CAPN9: variants seen among roughly 807,000 people sequenced by gnomAD.
CAPN9 encodes the protein calpain-9.
A neutral mutation model predicts 92.8 loss-of-function variants in CAPN9; 81 were observed. That is an observed-to-expected ratio of 0.87 (90% confidence interval 0.73 to 1.05). The LOEUF (loss-of-function observed/expected upper bound fraction) is 1.05. Ranked by LOEUF, CAPN9 falls within the 50% of genes least tolerant of loss-of-function variation. CAPN9 has a pLI of 0.00. For synonymous variants in CAPN9, 304 were observed against 328.0 expected (o/e 0.93, Z 0.79); for missense variants, 848 against 866.2 (o/e 0.98, Z 0.26).
intron 2 of CAPN9, among the ~76,000 whole-genome samples, chr1:230,756,244 A>G (rs1665220423): frequency 6.6e-6 from 1 of 152,136 alleles, no homozygotes; most frequent in African/African-American, 2.4e-5. Context: ...TATCCTAAAC[A>G]CAAGATCCAA....
At chr1:230,763,527 G>A (rs576228042) in intron 4 of CAPN9, among the ~76,000 whole-genome samples, 1 of 152,296 alleles carries the variant, frequency 6.6e-6, no homozygotes, top group African/African-American at 2.4e-5. Context: ...AATGGCCTCA[G>A]TTTCCTCAGG....
Position 230,747,408 on chromosome 1 carries a change from T to C in CAPN9, c.-89T>C. On this transcript the variant is annotated 5_prime_UTR_variant, in exon 1 of 20. Coordinates refer to ENST00000271971, the MANE Select transcript of CAPN9 (RefSeq NM_006615.3). ...CACTCAGCCCAGTGGCCCTCTGAGC[T>C]GTTCCTTCTTGACCGGCACACACAG... 8.6e-7 allele frequency: 1 copy of C among 1,163,122 alleles called. No homozygotes were observed. The highest frequency in any genetic ancestry group is 1.3e-6 in the Non-Finnish European group (1 of 774,102). The allele number at this position is 1,163,122 out of a possible 1,614,324, so 72.1% of individuals were successfully genotyped here. A position where few individuals can be genotyped will look rare whatever the true frequency, so the allele number is the denominator to read the frequency against.
At chr1:230,774,273 G>T (rs1169247978) in intron 7 of CAPN9, among the ~76,000 whole-genome samples, 2 of 152,208 alleles carry the variant, frequency 1.3e-5, no homozygotes, top group Non-Finnish European at 2.9e-5. Context: ...GCAATGCCTT[G>T]TGACTATCCC....
Position 230,785,978 on chromosome 1 carries a change from C to T in CAPN9, c.1482-3C>T. On this transcript the variant is annotated splice_region_variant and splice_polypyrimidine_tract_variant and intron_variant, in intron 11 of 19. Coordinates refer to ENST00000271971, the MANE Select transcript of CAPN9 (RefSeq NM_006615.3). ...GAGGCAGTGTGTTTTTCTGCCCCTACAGGGATATGGATGGAAATGTAGACA... is the reference window on the plus strand; with the variant it reads ...GAGGCAGTGTGTTTTTCTGCCCCTATAGGGATATGGATGGAAATGTAGACA... 1 of 1,613,734 alleles carries T rather than the reference C, an allele frequency of 6.2e-7. No homozygotes were observed. Among genetic ancestry groups the T allele is most frequent in the Non-Finnish European group, 8.5e-7 (1 of 1,179,668 alleles).
intron 11 of CAPN9, among the ~76,000 whole-genome samples, chr1:230,783,482 G>A (rs1667369328): frequency 6.6e-6 from 1 of 152,174 alleles, no homozygotes. Context: ...CTTGTGAGAT[G>A]TGGTTAATAG....
intron 8 of CAPN9, 133 bp downstream of exon 8, chr1:230,774,764 G>A (rs554289668): frequency 4.6e-5 from 28 of 614,178 alleles, no homozygotes; most frequent in Middle Eastern, 4.3e-4. Flanking sequence ...TTTTTGAGAC[G>A]GAGTTTTGTT....
rs1312225272 is a variant in CAPN9 at position 230,751,596 on chromosome 1, AGAAAGAAAGAAAG to A, written c.214-3740_214-3728del. Among the ~76,000 whole-genome samples the A allele has an allele frequency of 1.3e-4, 2 of 15,740 alleles. 1 individual carries two copies. The highest frequency in any genetic ancestry group is 4.4e-3 in the East Asian group (2 of 458). The allele number at this position is 15,740 out of a possible 152,430, so 10.3% of individuals were successfully genotyped here. ...AAAGAAGAAAGAAACAAAGAAAGAA[AGAAAGAAAGAAAG>A]AGAAAGAAAGAAAGAAAGAAAGAAA... is the stretch of plus-strand genomic sequence containing the variant. On this transcript the variant is annotated intron_variant, in intron 1 of 19. Coordinates refer to ENST00000271971, the MANE Select transcript of CAPN9 (RefSeq NM_006615.3).
chr1:230,792,150 A>C (rs913761130), intron 15 of CAPN9, among the ~76,000 whole-genome samples: 4 of 152,292 alleles, frequency 2.6e-5, no homozygotes, highest in South Asian at 4.1e-4. Flanking sequence ...GGAGCTTTTG[A>C]AGGGACTTGG....
intron 7 of CAPN9, 64 bp downstream of exon 7, chr1:230,772,163 T>A: frequency 7.2e-7 from 1 of 1,379,512 alleles, no homozygotes. Context: ...AGCTGGCTTG[T>A]GCAGACATGT....
intron 17 of CAPN9, among the ~76,000 whole-genome samples, chr1:230,793,810 C>T (rs1032547812): frequency 4.6e-5 from 7 of 152,088 alleles, no homozygotes; most frequent in Non-Finnish European, 8.8e-5. Context: ...TGAGAAGGGG[C>T]GCCTGATTTT....
At chr1:230,770,974 G>T (rs760352660) in intron 6 of CAPN9, among the ~76,000 whole-genome samples, 37 of 152,138 alleles carry the variant, frequency 2.4e-4, no homozygotes, top group Non-Finnish European at 4.4e-4. Flanking sequence ...ATTTGTGTTG[G>T]CTCCTTTGTC....
At chr1:230,764,893 A>G (rs771217770) in intron 4 of CAPN9, among the ~76,000 whole-genome samples, 5 of 152,196 alleles carry the variant, frequency 3.3e-5, no homozygotes, top group Admixed American at 6.5e-5. Context: ...GTAGAGATAC[A>G]TGGATCTGTA....
At chr1:230,761,162 G>A (rs1174554213) in intron 3 of CAPN9, among the ~76,000 whole-genome samples, 1 of 152,116 alleles carries the variant, frequency 6.6e-6, no homozygotes, top group Non-Finnish European at 1.5e-5. Flanking sequence ...CCCTGTTGAT[G>A]CCTGTCAGTC....
At chr1:230,767,766 C>A in intron 5 of CAPN9, 57 bp downstream of exon 5, 1 of 1,501,446 alleles carries the variant, frequency 6.7e-7, no homozygotes, top group Non-Finnish European at 9.1e-7. Context: ...ATAGTGCATT[C>A]CAGGCACTAT....
chr1:230,787,627 C>G (rs781535929), intron 13 of CAPN9, 25 bp downstream of exon 13: 2 of 1,601,634 alleles, frequency 1.2e-6, no homozygotes, highest in Non-Finnish European at 1.7e-6. Flanking sequence ...ACTTCCATCT[C>G]CCCACCAGGC....
intron 18 of CAPN9, among the ~76,000 whole-genome samples, chr1:230,796,301 G>A (rs1572098282): frequency 6.6e-6 from 1 of 150,782 alleles, no homozygotes; most frequent in Non-Finnish European, 1.5e-5. Context: ...TCCAGCCTGG[G>A]CAACAGTGGG....
chr1:230,772,159 C>T, intron 7 of CAPN9, 60 bp downstream of exon 7: 1 of 1,401,886 alleles, frequency 7.1e-7, no homozygotes, highest in East Asian at 2.3e-5. Flanking sequence ...CCAGAGCTGG[C>T]TTGTGCAGAC....
At chr1:230,765,665 A>AAAAAC (rs1263454107) in intron 4 of CAPN9, among the ~76,000 whole-genome samples, 1 of 152,216 alleles carries the variant, frequency 6.6e-6, no homozygotes, top group Non-Finnish European at 1.5e-5. Context: ...TCTCAAAAAC[A>AAAAAC]AAAACAAAAC....
At chr1:230,752,345 G>A (rs996301765) in intron 1 of CAPN9, among the ~76,000 whole-genome samples, 4 of 152,220 alleles carry the variant, frequency 2.6e-5, no homozygotes, top group Admixed American at 2.6e-4. Flanking sequence ...CTGACCCACA[G>A]AGGAGTCGGT....
Sources: allele counts gnomAD v4.1 joint callset (sites outside exome capture counted in the v4.1 genomes callset), GRCh38; gene constraint gnomAD v4.1.1; transcripts MANE v1.5; gene names NCBI Gene and HGNC (gene_info 2026-07-23, HGNC 2026-07-21).